FANCL: variants seen among roughly 807,000 people sequenced by gnomAD.
The protein encoded by FANCL is E3 ubiquitin-protein ligase FANCL.
Under a neutral mutation model 59.4 loss-of-function variants are expected in FANCL, and 69 were observed. That is an observed-to-expected ratio of 1.16 (90% CI 0.96 to 1.42). FANCL has a LOEUF of 1.42. Ranked by LOEUF, FANCL falls within the 40% of genes most tolerant of loss-of-function variation. The pLI is 0.00. For synonymous variants in FANCL, 180 were observed against 147.1 expected, an observed-to-expected ratio of 1.22 and a Z score of -1.62; for missense variants, 519 against 447.2, an observed-to-expected ratio of 1.16 and a Z score of -1.45.
intron 1 of FANCL, among the ~76,000 whole-genome samples, chr2:58,236,502 C>G (rs1234792889): frequency 6.8e-6 from 1 of 146,402 alleles, no homozygotes; most frequent in East Asian, 2.0e-4. Context: ...AATAAACTGG[C>G]AAAGGAGATA....
chr2:58,185,454 C>T (rs1240908034), intron 7 of FANCL, among the ~76,000 whole-genome samples: 2 of 152,082 alleles, frequency 1.3e-5, no homozygotes, highest in Non-Finnish European at 2.9e-5. Context: ...GACATTTAAA[C>T]CTTGAGATCA....
At chr2:58,163,550 T>G (rs769215579) in intron 8 of FANCL, 33 bp from the exon 9 acceptor site, 3 of 1,321,724 alleles carry the variant, frequency 2.3e-6, no homozygotes, top group East Asian at 2.3e-5. Flanking sequence ...CTTTTAGAAG[T>G]AGAACAGCTC....
At chr2:58,166,097 G>T (rs1394781486) in intron 7 of FANCL, among the ~76,000 whole-genome samples, 3 of 152,016 alleles carry the variant, frequency 2.0e-5, no homozygotes. Context: ...AGAAAGAATG[G>T]TTTTTTAAAA....
chr2:58,169,490 C>T (rs1311668635), intron 7 of FANCL, among the ~76,000 whole-genome samples: 1 of 152,068 alleles, frequency 6.6e-6, no homozygotes, highest in Non-Finnish European at 1.5e-5. Context: ...AACCAGAACA[C>T]CTTTTCTCCA....
intron 7 of FANCL, among the ~76,000 whole-genome samples, chr2:58,172,475 G>A (rs780598090): frequency 6.6e-6 from 1 of 152,152 alleles, no homozygotes; most frequent in Non-Finnish European, 1.5e-5. Flanking sequence ...CACCGCTACT[G>A]GTACCCAGGC....
At chr2:58,194,000 T>A (rs533153629) in intron 7 of FANCL, among the ~76,000 whole-genome samples, 1 of 152,186 alleles carries the variant, frequency 6.6e-6, no homozygotes, top group South Asian at 2.1e-4. Context: ...TGCTATGTAA[T>A]AGGACTGACT....
intron 7 of FANCL, among the ~76,000 whole-genome samples, chr2:58,184,607 TAA>T (rs949919758): frequency 2.0e-5 from 3 of 151,954 alleles, no homozygotes; most frequent in African/African-American, 4.8e-5. Context: ...AATAAAAATA[TAA>T]GAGAAAAATT....
intron 11 of FANCL, 53 bp downstream of exon 11, chr2:58,162,813 T>TA: frequency 2.0e-6 from 3 of 1,473,304 alleles, no homozygotes; most frequent in Non-Finnish European, 2.8e-6. Context: ...GAGAAGCATT[T>TA]AAACTTCATT....
chr2:58,198,825 C>T (rs1028697744), intron 6 of FANCL, among the ~76,000 whole-genome samples, 163 bp from the exon 7 acceptor site: 9 of 151,948 alleles, frequency 5.9e-5, no homozygotes, highest in Non-Finnish European at 1.5e-5. Context: ...GTCAGGAGAT[C>T]GAGATCATCC....
rs746678210 is a variant in FANCL, at chr2:58,163,473, T to C, written c.736A>G (p.Thr246Ala). ...AGAAAGAAGCACTCAGGAAGCATAG[T>C]AGGATGCCTGGGGTCTACCTCTATA... ...INIEVDPRHPTMLPECFFLGA... is the reference protein window; with the variant it reads ...INIEVDPRHPAMLPECFFLGA... Residue 246 changes from threonine to alanine, a missense_variant, in exon 9 of 14, where the codon ACT (threonine) becomes GCT (alanine). Physicochemically the swap from Thr to Ala is moderately conservative, Grantham distance 58. Transcript: ENST00000233741. 1.9e-6 allele frequency: 3 copies of C among 1,610,928 alleles called. No homozygotes were observed. The highest frequency in any genetic ancestry group is 2.5e-6 in the Non-Finnish European group (3 of 1,177,362).
Position 58,229,855 on chromosome 2 carries a change from G to A in FANCL, c.175C>T (p.Leu59=). The change falls in exon 3 of 14, where the codon CTG becomes TTG. Residue 59 remains leucine, a synonymous_variant. Transcript: ENST00000233741. ...KNARLLCSWQ[L]RTILSGYHRI... is the part of the protein sequence containing the mutation. Reference sequence around the variant, plus strand: ...TGGTATCCACTAAGTATTGTTCTCAGCTGCCAACTACATAATAATCTAAAA... The same window carrying A: ...TGGTATCCACTAAGTATTGTTCTCAACTGCCAACTACATAATAATCTAAAA... 6.2e-7 allele frequency: 1 copy of A among 1,610,510 alleles called. No individual in the cohort carries two copies. Among genetic ancestry groups the A allele is most frequent in the Non-Finnish European group, 8.5e-7 (1 of 1,176,888 alleles).
intron 5 of FANCL, among the ~76,000 whole-genome samples, chr2:58,211,746 A>T (rs531522271): frequency 6.6e-6 from 1 of 152,334 alleles, no homozygotes; most frequent in African/African-American, 2.4e-5. Context: ...ATAGTTCCAC[A>T]TATCTCTAGG....
At chr2:58,224,479 A>T (rs60949622) in intron 4 of FANCL, among the ~76,000 whole-genome samples, 2,997 of 151,920 alleles carry the variant, frequency 0.02, 113 homozygotes, top group African/African-American at 0.069. Context: ...TTAGAAATTA[A>T]TTTTAAACTA....
At chr2:58,171,754 G>A (rs75144070) in intron 7 of FANCL, among the ~76,000 whole-genome samples, 10 of 152,212 alleles carry the variant, frequency 6.6e-5, no homozygotes, top group South Asian at 2.1e-4. Flanking sequence ...GACAGTGGGC[G>A]CAAGACAGTG....
At chr2:58,207,975 C>T (rs1303958120) in intron 5 of FANCL, among the ~76,000 whole-genome samples, 2 of 152,154 alleles carry the variant, frequency 1.3e-5, no homozygotes, top group African/African-American at 2.4e-5. Context: ...AGAAGGTTTG[C>T]TTGAGCTGAA....
rs1684821623 is a variant in FANCL at position 58,159,816 on chromosome 2, A to G, written c.1093-16T>C. On this transcript the variant is annotated splice_polypyrimidine_tract_variant and intron_variant, in intron 13 of 13. Transcript: ENST00000233741. ...AGGTAATTGGCTTTAAAAAGAGAACATATTTTAACAAAGTTTGTGGACACT... is the reference window on the plus strand; with the variant it reads ...AGGTAATTGGCTTTAAAAAGAGAACGTATTTTAACAAAGTTTGTGGACACT... 6.2e-7 allele frequency: 1 copy of G among 1,611,968 alleles called. No individual in the cohort carries two copies. The highest frequency in any genetic ancestry group is 8.5e-7 in the Non-Finnish European group (1 of 1,179,210).
rs1215646840 is a variant in FANCL, at chr2:58,161,409, A to G, written c.1020+113T>C. The G allele has an allele frequency of 3.8e-6, 3 of 782,834 alleles. No homozygotes were observed. The East Asian group carries it at 7.5e-5, about 19-fold the overall frequency. The allele number at this position is 782,834 out of a possible 1,614,324, so 48.5% of individuals were successfully genotyped here. On this transcript the variant is annotated intron_variant, in intron 12 of 13. Coordinates refer to ENST00000233741, the MANE Select transcript of FANCL (RefSeq NM_018062.4). ...AAACTGGTAAAAGGAGTTAATGGCA[A>G]AAGAGAGGATCACTATTGACTCAAC...
At chr2:58,217,563 G>A (rs1691974530) in intron 5 of FANCL, among the ~76,000 whole-genome samples, 1 of 151,878 alleles carries the variant, frequency 6.6e-6, no homozygotes, top group Non-Finnish European at 1.5e-5. Context: ...TTATAACAAA[G>A]TAGACATTAA....
At chr2:58,230,245 C>T (rs570957262) in intron 2 of FANCL, among the ~76,000 whole-genome samples, 2 of 152,204 alleles carry the variant, frequency 1.3e-5, no homozygotes, top group East Asian at 3.9e-4. Context: ...TTTGAAAAAG[C>T]ATGTGTAGCA....
Sources: allele counts gnomAD v4.1 joint callset (sites outside exome capture counted in the v4.1 genomes callset), GRCh38; gene constraint gnomAD v4.1.1; transcripts MANE v1.5; gene names NCBI Gene and HGNC (gene_info 2026-07-23, HGNC 2026-07-21).